Variants in SYNM observed in about 807,000 individuals in gnomAD.
SYNM encodes the protein synemin.
A neutral mutation model predicts 104.0 loss-of-function variants in SYNM; 95 were observed. The observed-to-expected ratio is 0.91, with a 90% CI of 0.77 to 1.08. SYNM has a LOEUF of 1.08. Ranked by LOEUF, SYNM falls within the 50% of genes least tolerant of loss-of-function variation. SYNM has a pLI of 0.00. For missense variants in SYNM, 2,150 were observed against 2,052.2 expected (o/e 1.05, Z -0.92); for synonymous variants, 918 against 869.0 (o/e 1.06, Z -0.99).
Position 99,105,491 on chromosome 15 carries a change from C to G in SYNM, c.292C>G (p.Leu98Val). 3.0e-6 allele frequency: 4 copies of G among 1,340,496 alleles called. No homozygotes were observed. The highest frequency in any genetic ancestry group is 3.8e-6 in the Non-Finnish European group (4 of 1,050,084). The allele number at this position is 1,340,496 out of a possible 1,614,324, so 83.0% of individuals were successfully genotyped here. ...LRRELRELQR[L>V]DAEERAARGR... The stretch of plus-strand genomic sequence containing the variant: ...GCGCGAGCTGCGGGAGCTGCAGCGC[C>G]TGGATGCGGAGGAGCGCGCCGCCCG... The change falls in exon 1 of 4, where the codon CTG (leucine) becomes GTG (valine). Residue 98 changes from leucine (L) to valine (V), a missense_variant. Coordinates refer to ENST00000336292, the MANE Select transcript of SYNM (RefSeq NM_145728.3).
downstream of SYNM, chr15:99,139,406 A>G: frequency 6.2e-7 from 1 of 1,614,140 alleles, no homozygotes; most frequent in Non-Finnish European, 8.5e-7. Flanking sequence ...GACACTGTAG[A>G]ACACCAAGCA....
chr15:99,133,368 T>TG lies in SYNM; in HGVS notation c.*311dup. On this transcript the variant is annotated 3_prime_UTR_variant, in exon 4 of 4. Transcript: ENST00000336292. ...TTTGCACCTGGTCACAGACATGGCT[T>TG]GCATCTGTTTGAAACTACAATTAAT... The TG allele has an allele frequency of 3.0e-6, 1 of 336,632 alleles. No homozygotes were observed. Among genetic ancestry groups the TG allele is most frequent in the Non-Finnish European group, 5.4e-6 (1 of 184,046 alleles). The allele number at this position is 336,632 out of a possible 1,614,324, so 20.9% of individuals were successfully genotyped here.
At chr15:99,123,655 C>T (rs1354349694) in intron 2 of SYNM, among the ~76,000 whole-genome samples, 2 of 152,222 alleles carry the variant, frequency 1.3e-5, no homozygotes, top group Non-Finnish European at 2.9e-5. Context: ...TCTCCAGCTC[C>T]GGAGCCTCCC....
chr15:99,138,198 G>C, downstream of SYNM: 3 of 1,583,184 alleles, frequency 1.9e-6, no homozygotes, highest in Non-Finnish European at 2.6e-6. Flanking sequence ...TCCAGCCTTT[G>C]CTGCCCAGCA....
Position 99,105,191 on chromosome 15 carries a change from C to T in SYNM, c.-9C>T. Reference sequence around the variant, plus strand: ...CGGCCAGCCGCGAGAACCCCGCACGCCCGGCAAGATGCTGTCCTGGCGGCT... The same window carrying T: ...CGGCCAGCCGCGAGAACCCCGCACGTCCGGCAAGATGCTGTCCTGGCGGCT... On this transcript the variant is annotated 5_prime_UTR_variant, in exon 1 of 4. Coordinates refer to ENST00000336292, the MANE Select transcript of SYNM (RefSeq NM_145728.3). 1 of 1,571,268 alleles carries T rather than the reference C, an allele frequency of 6.4e-7. No individual in the cohort carries two copies. The highest frequency in any genetic ancestry group is 8.6e-7 in the Non-Finnish European group (1 of 1,161,912).
At chr15:99,108,328 G>T (rs2151798255) in intron 1 of SYNM, among the ~76,000 whole-genome samples, 1 of 152,066 alleles carries the variant, frequency 6.6e-6, no homozygotes, top group Middle Eastern at 3.4e-3. Context: ...AGTGTTACCA[G>T]TCACTACCTT....
intron 2 of SYNM, among the ~76,000 whole-genome samples, chr15:99,125,030 A>G (rs1301017709): frequency 6.6e-6 from 1 of 152,258 alleles, no homozygotes; most frequent in Non-Finnish European, 1.5e-5. Context: ...GAAGAGGAGC[A>G]GATGCATTCC....
intron 1 of SYNM, 57 bp from the exon 2 acceptor site, chr15:99,113,534 A>G: frequency 6.2e-7 from 1 of 1,603,646 alleles, no homozygotes; most frequent in Non-Finnish European, 8.5e-7. Flanking sequence ...TGGTACCTTC[A>G]GTTCGACCCA....
chr15:99,107,305 A>G (rs957004660), intron 1 of SYNM, among the ~76,000 whole-genome samples: 1 of 152,220 alleles, frequency 6.6e-6, no homozygotes. Flanking sequence ...GACAGTGGCC[A>G]GGGGTCTGAG....
chr15:99,105,972 T>C lies in SYNM; in HGVS notation c.773T>C (p.Met258Thr). 1 of 1,514,156 alleles carries C rather than the reference T, an allele frequency of 6.6e-7. No individual in the cohort carries two copies. Among genetic ancestry groups the C allele is most frequent in the African/African-American group, 1.4e-5 (1 of 70,864 alleles). The allele number at this position is 1,514,156 out of a possible 1,614,324, so 93.8% of individuals were successfully genotyped here. The change falls in exon 1 of 4, where the codon ATG (methionine) becomes ACG (threonine). Residue 258 changes from methionine to threonine, a missense_variant. Transcript: ENST00000336292. Reference protein sequence around the residue: ...RARLEDALLRMREEYGIQAEE... With the variant: ...RARLEDALLRTREEYGIQAEE... ...CGGCTGGAGGACGCGCTGCTGCGGA[T>C]GCGCGAGGAGTACGGGATACAGGCC... is the stretch of plus-strand genomic sequence containing the variant.
At chr15:99,117,909 G>A (rs781849197) in intron 2 of SYNM, among the ~76,000 whole-genome samples, 16 of 152,216 alleles carry the variant, frequency 1.1e-4, no homozygotes, top group Non-Finnish European at 1.9e-4. Context: ...TCCCTAACCC[G>A]ATTATGGATT....
chr15:99,123,251 C>T (rs991179303), intron 2 of SYNM, among the ~76,000 whole-genome samples: 5 of 151,652 alleles, frequency 3.3e-5, no homozygotes, highest in Non-Finnish European at 5.9e-5. Context: ...CTTTGTCCTG[C>T]GCTTGCTTCC....
At chr15:99,139,817 G>T (rs2068018740), downstream of SYNM, 1 of 1,152,232 alleles carries the variant, frequency 8.7e-7, no homozygotes, top group Non-Finnish European at 1.2e-6. Flanking sequence ...TATATAGGCT[G>T]TCTATACTCT....
Position 99,131,638 on chromosome 15 carries a change from G to T in SYNM, c.3278G>T (p.Arg1093Leu). Residue 1093 changes from arginine to leucine, a missense_variant, in exon 4 of 4, where the codon CGC becomes CTC. Physicochemically the swap from Arg to Leu is moderately radical, Grantham distance 102. Coordinates refer to ENST00000336292, the MANE Select transcript of SYNM (RefSeq NM_145728.3). The surrounding 1 kb of genome is among the most constrained non-coding windows in gnomAD (Gnocchi z 4.3). Reference protein sequence around the residue: ...AGGASHSSGQRTPQGPVSATV... With the variant: ...AGGASHSSGQLTPQGPVSATV... The stretch of plus-strand genomic sequence containing the variant: ...GGGGCCTCTCACAGCTCGGGACAGC[G>T]CACTCCCCAGGGCCCAGTGTCGGCC... 6.2e-7 allele frequency: 1 copy of T among 1,610,760 alleles called. No individual in the cohort carries two copies.
At position 99,132,717 on chromosome 15, in the gene SYNM, C is replaced by G; in HGVS notation, c.4357C>G (p.Pro1453Ala). Residue 1453 changes from proline (P) to alanine (A), a missense_variant, in exon 4 of 4, where the codon CCA (proline) becomes GCA (alanine). By Grantham distance (27) the Pro-to-Ala change is conservative. Transcript: ENST00000336292. ...DSSRTLRHIA[P>A]GPKETSFTFQ... ...CAGCAGAACGCTAAGGCACATTGCA[C>G]CAGGGCCCAAAGAAACTTCGTTTAC... 1 of 1,613,966 alleles carries G rather than the reference C, an allele frequency of 6.2e-7. No homozygotes were observed. Among genetic ancestry groups the G allele is most frequent in the African/African-American group, 1.3e-5 (1 of 75,032 alleles).
chr15:99,117,843 T>C lies in SYNM; in HGVS notation c.935+4128T>C, dbSNP rs531275021. Among the ~76,000 whole-genome samples the C allele has an allele frequency of 2.0e-5, 3 of 152,294 alleles. 1 individual carries two copies. The South Asian group carries it at 6.2e-4, about 32-fold the overall frequency. On this transcript the variant is annotated intron_variant, in intron 2 of 3. Transcript: ENST00000336292. ...TCGATCGCGAGCCGTTTCTGCTCAC[T>C]GTCAGCAGTCTGTCAGCCAGGACAG...
rs1217253530 is a variant in SYNM, at chr15:99,105,481, G to C, written c.282G>C (p.Glu94Asp). Residue 94 changes from glutamate (E) to aspartate (D), a missense_variant, in exon 1 of 4, where the codon GAG (glutamate) becomes GAC (aspartate). Coordinates refer to ENST00000336292, the MANE Select transcript of SYNM (RefSeq NM_145728.3). ...ACGCTCTGCGGCGCGAGCTGCGGGA[G>C]CTGCAGCGCCTGGATGCGGAGGAGC... ...ERDALRRELR[E>D]LQRLDAEERA... The C allele has an allele frequency of 1.0e-4, 139 of 1,368,334 alleles. No individual in the cohort carries two copies. Among genetic ancestry groups the C allele is most frequent in the Non-Finnish European group, 1.3e-4 (134 of 1,064,376 alleles). The allele number at this position is 1,368,334 out of a possible 1,614,324, so 84.8% of individuals were successfully genotyped here.
At chr15:99,118,786 C>A (rs1555484222) in intron 2 of SYNM, among the ~76,000 whole-genome samples, 2 of 152,164 alleles carry the variant, frequency 1.3e-5, no homozygotes, top group Non-Finnish European at 1.5e-5. Context: ...TTGGCCAGTG[C>A]ATGGCCAGGG....
At chr15:99,109,989 A>C (rs2067286827) in intron 1 of SYNM, among the ~76,000 whole-genome samples, 1 of 152,144 alleles carries the variant, frequency 6.6e-6, no homozygotes, top group Non-Finnish European at 1.5e-5. Context: ...GCTGTTTTAA[A>C]AATAGACTGA....
Sources: allele counts gnomAD v4.1 joint callset (sites outside exome capture counted in the v4.1 genomes callset), GRCh38; gene constraint gnomAD v4.1.1; non-coding constraint Gnocchi (gnomAD v3.1); transcripts MANE v1.5; gene names NCBI Gene and HGNC (gene_info 2026-07-23, HGNC 2026-07-21).